The following SOX6 variants were observed in gnomAD, a reference collection of about 807,000 sequenced individuals.
SOX6 encodes the protein SRY-box transcription factor 6.
Under a neutral mutation model 97.8 loss-of-function variants are expected in SOX6, and 11 were observed. That is an observed-to-expected ratio of 0.11 (90% confidence interval 0.07 to 0.19). The LOEUF is 0.19. SOX6 is among the 10% of genes least tolerant of loss of function. The pLI is 1.00. For synonymous variants in SOX6, 360 were observed against 371.4 expected, an observed-to-expected ratio of 0.97 and a Z score of 0.35; for missense variants, 810 against 1,039.5, an observed-to-expected ratio of 0.78 and a Z score of 3.04.
chr11:16,732,481 C>T (rs182477881), intron 2 of SOX6, among the ~76,000 whole-genome samples: 5 of 152,128 alleles, frequency 3.3e-5, no homozygotes, highest in Admixed American at 6.6e-5. Context: ...AAACAAGCAA[C>T]GGGGAAAGGA....
chr11:16,579,239 T>C (rs1848009256), intron 4 of SOX6, among the ~76,000 whole-genome samples: 1 of 152,002 alleles, frequency 6.6e-6, no homozygotes, highest in South Asian at 2.1e-4. Flanking sequence ...ATTTTTCTCT[T>C]CTTTTAAATG....
At chr11:16,462,699 C>A (rs1340799417) in intron 1 of SOX6, among the ~76,000 whole-genome samples, 6 of 152,218 alleles carry the variant, frequency 3.9e-5, no homozygotes, top group African/African-American at 1.4e-4. Context: ...TGCCTGGCAC[C>A]TGCCAGGCTA....
At chr11:16,227,460 G>T (rs1852719929) in intron 4 of SOX6, among the ~76,000 whole-genome samples, 1 of 151,334 alleles carries the variant, frequency 6.6e-6, no homozygotes, top group African/African-American at 2.4e-5. Flanking sequence ...TCAAGACAGG[G>T]TCTCACTCTG....
At chr11:16,150,466 T>C (rs1850431037) in intron 6 of SOX6, among the ~76,000 whole-genome samples, 1 of 152,138 alleles carries the variant, frequency 6.6e-6, no homozygotes, top group Admixed American at 6.6e-5. Flanking sequence ...TTTCAGGAAG[T>C]TTTCTTGTCC....
At chr11:16,348,983 A>C (rs1856837160) in intron 1 of SOX6, among the ~76,000 whole-genome samples, 1 of 152,146 alleles carries the variant, frequency 6.6e-6, no homozygotes, top group Non-Finnish European at 1.5e-5. Context: ...TAGAATTCTC[A>C]TCCAAATTTG....
intron 3 of SOX6, among the ~76,000 whole-genome samples, chr11:16,622,783 A>C (rs1377293787): frequency 2.6e-5 from 4 of 152,192 alleles, no homozygotes; most frequent in Non-Finnish European, 5.9e-5. Flanking sequence ...ATAGATACCC[A>C]GCAGTGAGAC....
chr11:16,715,881 G>A (rs778349515), intron 2 of SOX6, among the ~76,000 whole-genome samples: 9 of 152,084 alleles, frequency 5.9e-5, no homozygotes, highest in Non-Finnish European at 1.3e-4. Context: ...TCAAATGATA[G>A]GTAGTAAGAA....
intron 1 of SOX6, among the ~76,000 whole-genome samples, chr11:16,378,800 A>G: frequency 6.6e-6 from 1 of 152,188 alleles, no homozygotes; most frequent in Non-Finnish European, 1.5e-5. Flanking sequence ...AATTAGACAA[A>G]ATGACAAAAT....
At chr11:16,443,318 T>C (rs1045825314) in intron 1 of SOX6, among the ~76,000 whole-genome samples, 7 of 152,226 alleles carry the variant, frequency 4.6e-5, no homozygotes, top group Admixed American at 3.3e-4. Flanking sequence ...AACTTTAGTA[T>C]GCTATTCACA....
At chr11:16,444,530 C>T in intron 1 of SOX6, among the ~76,000 whole-genome samples, 1 of 152,154 alleles carries the variant, frequency 6.6e-6, no homozygotes, top group Admixed American at 6.5e-5. Flanking sequence ...TTAACCTTTA[C>T]ATAAGAATCT....
At chr11:16,078,747 G>A (rs1277093684) in intron 9 of SOX6, among the ~76,000 whole-genome samples, 1 of 152,042 alleles carries the variant, frequency 6.6e-6, no homozygotes, top group Non-Finnish European at 1.5e-5. Context: ...TTTCAGAGAG[G>A]TCAAGAAAAC....
intron 1 of SOX6, among the ~76,000 whole-genome samples, chr11:16,368,264 C>A (rs2134388249): frequency 6.6e-6 from 1 of 152,212 alleles, no homozygotes; most frequent in South Asian, 2.1e-4. Flanking sequence ...ATTAAAATTT[C>A]AGATTAAAGA....
chr11:16,667,805 G>A (rs1413369195), intron 3 of SOX6, among the ~76,000 whole-genome samples: 1 of 152,140 alleles, frequency 6.6e-6, no homozygotes, highest in Non-Finnish European at 1.5e-5. Context: ...CACTGTAAAT[G>A]TGGTGCATAA....
chr11:16,405,215 AGTT>A (rs1006070884), intron 1 of SOX6, among the ~76,000 whole-genome samples: 1 of 152,048 alleles, frequency 6.6e-6, no homozygotes, highest in African/African-American at 2.4e-5. Context: ...CAATAAAGCC[AGTT>A]ATTATAAAAA....
chr11:16,196,274 G>A (rs1851771837), intron 4 of SOX6, among the ~76,000 whole-genome samples: 1 of 152,172 alleles, frequency 6.6e-6, no homozygotes, highest in Non-Finnish European at 1.5e-5. Flanking sequence ...CAAATCCTTA[G>A]CTATTAAATC....
At chr11:16,207,834 A>G (rs377460875) in intron 4 of SOX6, among the ~76,000 whole-genome samples, 2 of 95,676 alleles carry the variant, frequency 2.1e-5, no homozygotes, top group Admixed American at 9.2e-5. Context: ...TGCATAAACA[A>G]CAAGTATCAA....
chr11:16,138,360 A>T (rs1423422000), intron 6 of SOX6, among the ~76,000 whole-genome samples: 2 of 152,144 alleles, frequency 1.3e-5, no homozygotes, highest in African/African-American at 4.8e-5. Context: ...GGATTCAAAA[A>T]ATCAAGTGAT....
intron 3 of SOX6, among the ~76,000 whole-genome samples, chr11:16,285,517 A>G (rs1191787690): frequency 6.6e-6 from 1 of 152,086 alleles, no homozygotes; most frequent in Non-Finnish European, 1.5e-5. Context: ...CTGGGCAGCA[A>G]GAGCGAAACT....
intron 6 of SOX6, among the ~76,000 whole-genome samples, chr11:16,180,989 C>A (rs1003659259): frequency 1.3e-4 from 20 of 151,604 alleles, no homozygotes; most frequent in African/African-American, 4.6e-4. Flanking sequence ...CATTCATTTT[C>A]ATTTGTTTCC....
Sources: gnomAD v4.1 joint callset for allele counts (sites outside exome capture counted in the v4.1 genomes callset) on GRCh38, gnomAD v4.1.1 for gene constraint, MANE v1.5 for transcripts, NCBI Gene and HGNC (gene_info 2026-07-23, HGNC 2026-07-21) for gene names.